The following NKIRAS1 variants were observed in gnomAD, a reference collection of about 807,000 sequenced individuals.
NKIRAS1 encodes NF-kappa-B inhibitor-interacting Ras-like protein 1.
Under a neutral mutation model 19.8 loss-of-function variants are expected in NKIRAS1, and 16 were observed. The observed-to-expected ratio is 0.81, with a 90% CI of 0.55 to 1.23. The LOEUF (loss-of-function observed/expected upper bound fraction) is 1.23, where lower values mean the gene tolerates loss of function less well. Among genes scored for constraint, NKIRAS1 ranks in the 50% most tolerant of loss-of-function variants. The pLI, the probability that NKIRAS1 is intolerant of heterozygous loss-of-function variation, is 0.00. For missense variants in NKIRAS1, 184 were observed against 220.0 expected (o/e 0.84, Z 1.04); for synonymous variants, 88 against 79.0 (o/e 1.11, Z -0.61).
intron 1 of NKIRAS1, chr3:23,945,492 C>A (rs7644275): frequency 2.4e-6 from 2 of 850,202 alleles, no homozygotes; most frequent in African/African-American, 1.9e-5. Context: ...TGCTTCCAGC[C>A]CGGGGCGGCG....
At chr3:23,935,346 A>C (rs965263174) in intron 1 of NKIRAS1, among the ~76,000 whole-genome samples, 1 of 151,912 alleles carries the variant, frequency 6.6e-6, no homozygotes, top group Non-Finnish European at 1.5e-5. Context: ...AGTTTATGAA[A>C]GAAAGGTGTT....
intron 1 of NKIRAS1, 28 bp from the exon 2 acceptor site, chr3:23,911,478 T>G (rs1335508179): frequency 1.3e-5 from 2 of 154,132 alleles, no homozygotes; most frequent in Admixed American, 6.4e-5. Context: ...AAAAAACACA[T>G]GGATAGGTAT....
chr3:23,911,055 TAA>T (rs1703653174), intron 2 of NKIRAS1, 134 bp from the exon 3 acceptor site: 1 of 674,170 alleles, frequency 1.5e-6, no homozygotes, highest in Non-Finnish European at 2.6e-6. Flanking sequence ...AGATATAGAA[TAA>T]GGTATAGCCT....
chr3:23,905,941 T>C (rs1297897088), intron 3 of NKIRAS1, among the ~76,000 whole-genome samples: 2 of 152,078 alleles, frequency 1.3e-5, no homozygotes, highest in Admixed American at 1.3e-4. Context: ...GGCAGATTGC[T>C]TGAGGCCAGG....
rs1701429074 is a variant in NKIRAS1, at chr3:23,891,160, G to A, written c.*1935C>T. 2 of 152,524 alleles carry A rather than the reference G, an allele frequency of 1.3e-5. No individual in the cohort carries two copies. Among genetic ancestry groups the A allele is most frequent in the African/African-American group, 2.4e-5 (1 of 41,418 alleles). 9.4% of individuals were successfully genotyped at this position (152,524 alleles called of 1,614,324 possible). ...CTTTGTTTAAAAAAGGTCTGAATCA[G>A]GACTTGTGAAAACCTGTAGTGAAAT... On this transcript the variant is annotated 3_prime_UTR_variant, in exon 5 of 5. Transcript: ENST00000425478.
intron 1 of NKIRAS1, among the ~76,000 whole-genome samples, chr3:23,944,970 T>G (rs1575139415): frequency 6.9e-6 from 1 of 145,596 alleles, no homozygotes; most frequent in Non-Finnish European, 1.5e-5. Flanking sequence ...GGGCAGGGCG[T>G]GGAGAGGACT....
chr3:23,932,100 A>G (rs1447105663), intron 1 of NKIRAS1, among the ~76,000 whole-genome samples: 2 of 152,134 alleles, frequency 1.3e-5, no homozygotes, highest in African/African-American at 4.8e-5. Flanking sequence ...AGATGTATAT[A>G]ATTATGGAAC....
intron 1 of NKIRAS1, chr3:23,945,975 C>A: frequency 2.3e-6 from 1 of 438,948 alleles, no homozygotes; most frequent in Non-Finnish European, 3.0e-6. Context: ...ACACGTGAGG[C>A]CGCTCGGCTC....
intron 1 of NKIRAS1, among the ~76,000 whole-genome samples, chr3:23,935,366 G>C (rs901004566): frequency 7.2e-5 from 8 of 110,510 alleles, no homozygotes; most frequent in Non-Finnish European, 1.5e-4. Flanking sequence ...TAATGGCCAA[G>C]GTTCTGATTA....
chr3:23,894,965 T>C (rs1259244962), intron 4 of NKIRAS1, among the ~76,000 whole-genome samples: 6 of 152,218 alleles, frequency 3.9e-5, no homozygotes, highest in African/African-American at 1.4e-4. Context: ...CCTGGTCTCT[T>C]ATTCTTTGAC....
chr3:23,904,855 G>C (rs1003984463), intron 3 of NKIRAS1, among the ~76,000 whole-genome samples: 1 of 152,164 alleles, frequency 6.6e-6, no homozygotes, highest in African/African-American at 2.4e-5. Flanking sequence ...TTCCAGAGTA[G>C]CATTATTTCC....
intron 1 of NKIRAS1, among the ~76,000 whole-genome samples, chr3:23,943,216 A>G (rs1457880568): frequency 6.6e-6 from 1 of 152,026 alleles, no homozygotes; most frequent in Non-Finnish European, 1.5e-5. Flanking sequence ...TGATCTTTCT[A>G]CTGTCTCCAG....
intron 3 of NKIRAS1, among the ~76,000 whole-genome samples, chr3:23,903,023 C>T (rs1702669808): frequency 6.6e-6 from 1 of 152,234 alleles, no homozygotes; most frequent in South Asian, 2.1e-4. Flanking sequence ...ATCTAGGTTT[C>T]CCCAATAAAT....
Position 23,911,418 on chromosome 3 carries a change from C to T in NKIRAS1, c.-107G>A, listed in dbSNP as rs940092944. The T allele has an allele frequency of 1.3e-5, 2 of 155,730 alleles. No homozygotes were observed. Among genetic ancestry groups the T allele is most frequent in the African/African-American group, 4.8e-5 (2 of 41,464 alleles). The allele number at this position is 155,730 out of a possible 1,614,324, so 9.6% of individuals were successfully genotyped here. On this transcript the variant is annotated 5_prime_UTR_variant, in exon 2 of 5. Coordinates refer to ENST00000425478, the MANE Select transcript of NKIRAS1 (RefSeq NM_020345.4). ...GCACTGAGCTGAGATTGCACCACTTCACTCCAGCCTGGGTGAAAGAGCTAG... is the reference window on the plus strand; with the variant it reads ...GCACTGAGCTGAGATTGCACCACTTTACTCCAGCCTGGGTGAAAGAGCTAG...
chr3:23,936,965 G>A (rs1022935120), intron 1 of NKIRAS1, among the ~76,000 whole-genome samples: 3 of 152,234 alleles, frequency 2.0e-5, no homozygotes, highest in Admixed American at 6.5e-5. Context: ...GGAAGAATGC[G>A]CTGCACTTGG....
rs1331757146 is a variant in NKIRAS1, at chr3:23,926,528, A to C, written c.-139-15078T>G. On this transcript the variant is annotated intron_variant, in intron 1 of 4. Transcript: ENST00000421515. The surrounding 1 kb of genome is among the most constrained non-coding windows in gnomAD (Gnocchi z 4.3). ...TCTTCCTCTTCTTTTTTTTTGTGTC[A>C]TTCTCTAGTAGATGAAGATGAGGCA... 7.1e-6 allele frequency among the ~76,000 whole-genome samples: 1 copy of C among 140,750 alleles called. No individual in the cohort carries two copies. The highest frequency in any genetic ancestry group is 2.7e-5 in the African/African-American group (1 of 37,588). The allele number at this position is 140,750 out of a possible 152,430, so 92.3% of individuals were successfully genotyped here.
intron 1 of NKIRAS1, chr3:23,923,611 A>G (rs1705154428): frequency 6.6e-6 from 1 of 152,164 alleles, no homozygotes; most frequent in Admixed American, 6.5e-5. Flanking sequence ...GGACATTTAA[A>G]TTTCTTCCAA....
At chr3:23,921,643 C>T (rs76953660), upstream of NKIRAS1, 5,234 of 642,244 alleles carry the variant, frequency 8.1e-3, 185 homozygotes, top group African/African-American at 0.084. Context: ...GGGGCAATCA[C>T]GGCTCACTGC....
At chr3:23,918,879 C>T, upstream of NKIRAS1, 1 of 508,360 alleles carries the variant, frequency 2.0e-6, no homozygotes, top group Non-Finnish European at 3.4e-6. Flanking sequence ...CTAAACGTTG[C>T]TGAGCTCTCA....
Sources: gnomAD v4.1 joint callset for allele counts (sites outside exome capture counted in the v4.1 genomes callset) on GRCh38, gnomAD v4.1.1 for gene constraint, Gnocchi (gnomAD v3.1) non-coding constraint, MANE v1.5 for transcripts, NCBI Gene and HGNC (gene_info 2026-07-23, HGNC 2026-07-21) for gene names.